GALNT13: variants seen among roughly 807,000 people sequenced by gnomAD.
GALNT13 encodes UDP-GalNAc:polypeptide N-acetylgalactosaminyltransferase 13.
GALNT13 carries 28 observed loss-of-function variants against 64.2 expected under a neutral mutation model. The ratio of observed to expected loss-of-function variants is 0.44; its 90% CI spans 0.32 to 0.60. GALNT13 has a LOEUF of 0.60. GALNT13 is among the 20% of genes least tolerant of loss of function. GALNT13 has a pLI of 0.05. For missense variants in GALNT13, 577 were observed against 669.8 expected (o/e 0.86, Z 1.53); for synonymous variants, 214 against 224.6 (o/e 0.95, Z 0.42).
At chr2:153,892,916 A>G (rs1687645375) in intron 1 of GALNT13, among the ~76,000 whole-genome samples, 1 of 152,086 alleles carries the variant, frequency 6.6e-6, no homozygotes, top group East Asian at 1.9e-4. Flanking sequence ...AATGTGTATC[A>G]TTTAGGAATT....
intron 3 of GALNT13, among the ~76,000 whole-genome samples, chr2:154,128,334 A>G (rs1007444383): frequency 6.6e-6 from 1 of 152,110 alleles, no homozygotes; most frequent in Non-Finnish European, 1.5e-5. Flanking sequence ...CAGGAATAGT[A>G]TATGACCAAT....
At chr2:153,243,228 G>A in the GALNT13 span, among the ~76,000 whole-genome samples, 3 of 152,274 alleles carry the variant, frequency 2.0e-5, no homozygotes, top group East Asian at 3.9e-4. Context: ...ATGCATGGTA[G>A]AAGGACTGCA....
chr2:153,777,506 T>G, the GALNT13 span, among the ~76,000 whole-genome samples: 1 of 152,218 alleles, frequency 6.6e-6, no homozygotes, highest in African/African-American at 2.4e-5. Context: ...TCAATCATTA[T>G]GGCAGAAAAG....
At chr2:154,206,361 A>G (rs2105789744) in intron 4 of GALNT13, among the ~76,000 whole-genome samples, 1 of 152,128 alleles carries the variant, frequency 6.6e-6, no homozygotes, top group Admixed American at 6.5e-5. Context: ...ATATAGAGAG[A>G]GAGATATATC....
intron 4 of GALNT13, among the ~76,000 whole-genome samples, chr2:154,230,728 C>T (rs1688869930): frequency 6.6e-6 from 1 of 151,940 alleles, no homozygotes; most frequent in Non-Finnish European, 1.5e-5. Context: ...CTGTTAAAGT[C>T]CAGATGAGGT....
chr2:153,252,878 T>A, the GALNT13 span, among the ~76,000 whole-genome samples: 1 of 152,192 alleles, frequency 6.6e-6, no homozygotes, highest in Admixed American at 6.5e-5. Flanking sequence ...TGTAGCCTTG[T>A]AGTATAGTTT....
chr2:153,867,069 C>A (rs1156798553), upstream of GALNT13, among the ~76,000 whole-genome samples: 2 of 152,178 alleles, frequency 1.3e-5, no homozygotes, highest in Non-Finnish European at 2.9e-5. Context: ...AGTCAATCTG[C>A]AGCTGACATG....
chr2:153,083,755 A>G, the GALNT13 span, among the ~76,000 whole-genome samples: 1 of 152,010 alleles, frequency 6.6e-6, no homozygotes, highest in East Asian at 1.9e-4. Context: ...AGTCCCATCT[A>G]TTTACCTTTG....
chr2:153,968,848 C>T (rs1693551134), intron 3 of GALNT13, among the ~76,000 whole-genome samples: 1 of 152,126 alleles, frequency 6.6e-6, no homozygotes, highest in Non-Finnish European at 1.5e-5. Context: ...TATTGATCTT[C>T]TTATCTCATC....
chr2:153,180,783 C>T, the GALNT13 span, among the ~76,000 whole-genome samples: 1 of 151,636 alleles, frequency 6.6e-6, no homozygotes, highest in Admixed American at 6.6e-5. Context: ...TTGTGTTTAT[C>T]TAATAATTCA....
chr2:153,353,324 CT>C, the GALNT13 span, among the ~76,000 whole-genome samples: 1 of 152,096 alleles, frequency 6.6e-6, no homozygotes, highest in Non-Finnish European at 1.5e-5. Context: ...TTGCTATAAT[CT>C]CTTATTAGTT....
At chr2:153,803,197 T>C in the GALNT13 span, among the ~76,000 whole-genome samples, 4 of 152,326 alleles carry the variant, frequency 2.6e-5, no homozygotes, top group Middle Eastern at 3.4e-3. Context: ...GAAATTCAGA[T>C]GGATATTTTC....
At chr2:153,187,809 C>T in the GALNT13 span, among the ~76,000 whole-genome samples, 1 of 152,112 alleles carries the variant, frequency 6.6e-6, no homozygotes, top group Non-Finnish European at 1.5e-5. Flanking sequence ...ATTCTGTATA[C>T]TTGGAGCTGG....
chr2:153,294,167 A>G, the GALNT13 span, among the ~76,000 whole-genome samples: 1 of 152,030 alleles, frequency 6.6e-6, no homozygotes, highest in Admixed American at 6.6e-5. Flanking sequence ...CTAATGTTAA[A>G]ATTCTGGAAA....
the GALNT13 span, among the ~76,000 whole-genome samples, chr2:153,633,770 A>C: frequency 6.6e-6 from 1 of 152,174 alleles, no homozygotes; most frequent in Non-Finnish European, 1.5e-5. Flanking sequence ...GAGATTTATG[A>C]AAGTCTTTAT....
At chr2:153,222,613 G>A in the GALNT13 span, among the ~76,000 whole-genome samples, 1 of 152,262 alleles carries the variant, frequency 6.6e-6, no homozygotes, top group Admixed American at 6.5e-5. Flanking sequence ...TGTTCCTGCC[G>A]AGGGACACCT....
the GALNT13 span, among the ~76,000 whole-genome samples, chr2:153,089,662 T>A: frequency 5.3e-5 from 8 of 151,980 alleles, no homozygotes; most frequent in African/African-American, 1.7e-4. Flanking sequence ...GAGGCTTTTT[T>A]TAATTCTTTT....
chr2:153,681,070 C>A, the GALNT13 span, among the ~76,000 whole-genome samples: 2 of 151,870 alleles, frequency 1.3e-5, no homozygotes, highest in African/African-American at 4.8e-5. Context: ...GGCCAAATTC[C>A]CTAATGACAC....
At chr2:154,316,217 TAGTA>T (rs1338143730) in intron 9 of GALNT13, among the ~76,000 whole-genome samples, 1 of 152,214 alleles carries the variant, frequency 6.6e-6, no homozygotes, top group African/African-American at 2.4e-5. Flanking sequence ...GAATTGTCAT[TAGTA>T]AGTGAGCTGT....
Sources: allele counts gnomAD v4.1 joint callset (sites outside exome capture counted in the v4.1 genomes callset), GRCh38; gene constraint gnomAD v4.1.1; transcripts MANE v1.5; gene names NCBI Gene and HGNC (gene_info 2026-07-23, HGNC 2026-07-21).